ENOPH1: variants seen among roughly 807,000 people sequenced by gnomAD.
ENOPH1 encodes enolase-phosphatase 1.
A neutral mutation model predicts 31.1 loss-of-function variants in ENOPH1; 14 were observed. That is an observed-to-expected ratio of 0.45 (90% confidence interval 0.30 to 0.70). ENOPH1 has a LOEUF of 0.70. Ranked by LOEUF, ENOPH1 falls within the 30% of genes least tolerant of loss-of-function variation. The pLI is 0.09. For missense variants in ENOPH1, 243 were observed against 321.5 expected (o/e 0.76, Z 1.87); for synonymous variants, 127 against 123.2 (o/e 1.03, Z -0.21).
At chr4:82,452,302 C>T (rs947072403) in intron 3 of ENOPH1, among the ~76,000 whole-genome samples, 2 of 152,052 alleles carry the variant, frequency 1.3e-5, no homozygotes, top group East Asian at 1.9e-4. Context: ...AAATTCTTTT[C>T]GTTTGTTTGT....
At chr4:82,440,822 A>G (rs1040376192) in intron 1 of ENOPH1, among the ~76,000 whole-genome samples, 1 of 152,184 alleles carries the variant, frequency 6.6e-6, no homozygotes, top group Non-Finnish European at 1.5e-5. Context: ...TGATTAATTC[A>G]TTTTGAATGC....
At chr4:82,456,424 G>A (rs750219139) in intron 4 of ENOPH1, among the ~76,000 whole-genome samples, 34 of 152,092 alleles carry the variant, frequency 2.2e-4, no homozygotes, top group Non-Finnish European at 4.4e-4. Context: ...AGACATAGAC[G>A]AGCCCTTGGG....
intron 4 of ENOPH1, among the ~76,000 whole-genome samples, chr4:82,455,603 A>G (rs1305058949): frequency 2.7e-5 from 4 of 147,752 alleles, no homozygotes; most frequent in Non-Finnish European, 4.4e-5. Context: ...ACATGGTGAA[A>G]CCCCGTCTCT....
chr4:82,435,569 T>G (rs759671925), intron 1 of ENOPH1, among the ~76,000 whole-genome samples: 3 of 152,202 alleles, frequency 2.0e-5, no homozygotes, highest in Non-Finnish European at 4.4e-5. Context: ...GTTAACATCT[T>G]TCTTATGAAA....
At chr4:82,443,084 G>A (rs1255261583) in intron 1 of ENOPH1, among the ~76,000 whole-genome samples, 1 of 152,108 alleles carries the variant, frequency 6.6e-6, no homozygotes, top group Non-Finnish European at 1.5e-5. Context: ...GGGACTACAG[G>A]CGGAGCCACC....
chr4:82,451,069 G>A lies in ENOPH1; in HGVS notation c.213G>A (p.Gly71=). ...KQAEEDAHLD[G]AVPIPAASGN... is the part of the protein sequence containing the mutation. Reference sequence around the variant, plus strand: ...CTGAAGAGGACGCCCACCTGGATGGGGCTGTTCCTATCCCTGCAGCATCTG... The same window carrying A: ...CTGAAGAGGACGCCCACCTGGATGGAGCTGTTCCTATCCCTGCAGCATCTG... Residue 71 remains glycine, a synonymous_variant, in exon 3 of 6, where the codon GGG becomes GGA. Coordinates refer to ENST00000273920, the MANE Select transcript of ENOPH1 (RefSeq NM_021204.5). The A allele has an allele frequency of 6.2e-7, 1 of 1,614,142 alleles. No homozygotes were observed. Among genetic ancestry groups the A allele is most frequent in the Admixed American group, 1.7e-5 (1 of 60,016 alleles).
chr4:82,453,406 C>T (rs1297028056), intron 3 of ENOPH1, among the ~76,000 whole-genome samples: 1 of 152,178 alleles, frequency 6.6e-6, no homozygotes, highest in Admixed American at 6.5e-5. Context: ...GCCAGGTTCA[C>T]TTTGTAAAGC....
chr4:82,454,593 G>A (rs17351082), intron 3 of ENOPH1, 129 bp from the exon 4 acceptor site: 119,371 of 977,716 alleles, frequency 0.12, 8,193 homozygotes, highest in Middle Eastern at 0.24. Flanking sequence ...GGAGTTTGTA[G>A]TCTCAGGGAG....
At chr4:82,450,931 A>G (rs1443647581) in intron 2 of ENOPH1, 112 bp from the exon 3 acceptor site, 1 of 759,478 alleles carries the variant, frequency 1.3e-6, no homozygotes, top group Non-Finnish European at 2.2e-6. Flanking sequence ...ATTTGCAGCC[A>G]TACTAGGGCT....
At chr4:82,458,908 G>C (rs1009915517) in intron 5 of ENOPH1, among the ~76,000 whole-genome samples, 1 of 151,938 alleles carries the variant, frequency 6.6e-6, no homozygotes, top group Non-Finnish European at 1.5e-5. Flanking sequence ...ACAGAAAGCA[G>C]GCACTTGAGG....
rs1578098638 is a variant in ENOPH1 at position 82,446,809 on chromosome 4, C to T, written c.85-1111C>T. Among the ~76,000 whole-genome samples, 5 of 149,810 alleles carry T rather than the reference C, an allele frequency of 3.3e-5. No individual in the cohort carries two copies. In the East Asian group the frequency reaches 9.9e-4, roughly 30 times the overall value. On this transcript the variant is annotated intron_variant, in intron 1 of 5. Coordinates refer to ENST00000273920, the MANE Select transcript of ENOPH1 (RefSeq NM_021204.5). ...GCAAGCTCCGCTTCCCGGGTTCACG[C>T]CATTCTCCTGCCTCAGCCTCCCGAG...
chr4:82,443,406 C>T (rs1220124640), intron 1 of ENOPH1, among the ~76,000 whole-genome samples: 7 of 146,162 alleles, frequency 4.8e-5, no homozygotes, highest in East Asian at 2.0e-4. Context: ...CACTGCACTC[C>T]GTCCAAAAAA....
At chr4:82,447,111 G>A (rs1170472348) in intron 1 of ENOPH1, among the ~76,000 whole-genome samples, 4 of 151,836 alleles carry the variant, frequency 2.6e-5, no homozygotes, top group East Asian at 1.9e-4. Context: ...TCAGCCTCCC[G>A]AGTACCTGAG....
chr4:82,453,382 A>C (rs1722404875), intron 3 of ENOPH1, among the ~76,000 whole-genome samples: 2 of 152,200 alleles, frequency 1.3e-5, no homozygotes, highest in Non-Finnish European at 2.9e-5. Flanking sequence ...TATGCCAGTG[A>C]TCTGGGAATA....
chr4:82,449,562 A>T (rs1258680168), intron 2 of ENOPH1, among the ~76,000 whole-genome samples: 1 of 152,088 alleles, frequency 6.6e-6, no homozygotes, highest in Non-Finnish European at 1.5e-5. Flanking sequence ...ACCAGAACTC[A>T]CTATTGTGAG....
intron 1 of ENOPH1, among the ~76,000 whole-genome samples, chr4:82,433,408 A>G (rs1005872531): frequency 2.0e-5 from 3 of 152,198 alleles, no homozygotes; most frequent in Non-Finnish European, 4.4e-5. Context: ...GCAATGTGCA[A>G]TTTCAATGCA....
chr4:82,460,971 C>T lies in ENOPH1; in HGVS notation c.*851C>T, dbSNP rs1722631510. The T allele has an allele frequency of 6.6e-6, 1 of 152,150 alleles. No homozygotes were observed. Among genetic ancestry groups the T allele is most frequent in the Admixed American group, 6.5e-5 (1 of 15,276 alleles). 9.4% of individuals were successfully genotyped at this position (152,150 alleles called of 1,614,324 possible). A position where few individuals can be genotyped will look rare whatever the true frequency, so the allele number is the denominator to read the frequency against. ...GATGAGCCCTAATATGTAAGATTTT[C>T]CTCTGGAATGGATGTGAGAAATGTA... On this transcript the variant is annotated 3_prime_UTR_variant, in exon 6 of 6. Coordinates refer to ENST00000273920, the MANE Select transcript of ENOPH1 (RefSeq NM_021204.5).
In ENOPH1 at chr4:82,456,508, G is replaced by T. The variant is rs369943203; in HGVS notation, c.523-407G>T. Among the ~76,000 whole-genome samples the T allele has an allele frequency of 3.7e-4, 57 of 152,276 alleles. No individual in the cohort carries two copies. In the South Asian group the frequency reaches 4.4e-3, roughly 12 times the overall value. On this transcript the variant is annotated intron_variant, in intron 4 of 5. Transcript: ENST00000273920. ...AAATAATAGCTTATTCATGAGGCAG[G>T]TTAGAGAAATTTTTTCATCGTAAGA... is the stretch of plus-strand genomic sequence containing the variant.
chr4:82,459,866 A>C (rs1722599443), intron 5 of ENOPH1, 115 bp from the exon 6 acceptor site: 3 of 1,188,692 alleles, frequency 2.5e-6, no homozygotes, highest in Admixed American at 4.0e-5. Context: ...ACAGTCATCA[A>C]ATCAGGGCCA....
Sources: allele counts gnomAD v4.1 joint callset (sites outside exome capture counted in the v4.1 genomes callset), GRCh38; gene constraint gnomAD v4.1.1; transcripts MANE v1.5; gene names NCBI Gene and HGNC (gene_info 2026-07-23, HGNC 2026-07-21).